CNTNAP2: variants seen among roughly 807,000 people sequenced by gnomAD.
The protein encoded by CNTNAP2 is contactin associated protein 2, also known as contactin-associated protein-like 2.
Under a neutral mutation model 155.2 loss-of-function variants are expected in CNTNAP2, and 98 were observed. That is an observed-to-expected ratio of 0.63 (90% CI 0.54 to 0.75). CNTNAP2 has a LOEUF of 0.75. Ranked by LOEUF, CNTNAP2 falls within the 30% of genes least tolerant of loss-of-function variation. The pLI, the probability that CNTNAP2 is intolerant of heterozygous loss-of-function variation, is 0.00. For synonymous variants in CNTNAP2, 651 were observed against 631.2 expected (o/e 1.03, Z -0.47); for missense variants, 1,727 against 1,688.1 (o/e 1.02, Z -0.40).
intron 20 of CNTNAP2, among the ~76,000 whole-genome samples, chr7:148,259,066 C>A (rs1256300040): frequency 1.3e-5 from 2 of 149,944 alleles, no homozygotes; most frequent in South Asian, 4.2e-4. Flanking sequence ...ATCCCAGCTA[C>A]TTGGGAGACT....
chr7:147,258,998 A>G (rs1804396071), intron 8 of CNTNAP2, among the ~76,000 whole-genome samples: 1 of 151,834 alleles, frequency 6.6e-6, no homozygotes, highest in Non-Finnish European at 1.5e-5. Flanking sequence ...AAGCAGATGG[A>G]AGTATGGGAT....
chr7:146,934,435 C>A (rs13225775), intron 3 of CNTNAP2, among the ~76,000 whole-genome samples: 3 of 109,268 alleles, frequency 2.7e-5, no homozygotes, highest in South Asian at 3.1e-4. Context: ...ACTCCGTGGC[C>A]TGTTGTGGGG....
intron 15 of CNTNAP2, among the ~76,000 whole-genome samples, chr7:148,095,454 T>G (rs1482737386): frequency 6.6e-6 from 1 of 152,234 alleles, no homozygotes; most frequent in African/African-American, 2.4e-5. Flanking sequence ...AGGCTTCTAA[T>G]AAGCAGTCTG....
intron 1 of CNTNAP2, among the ~76,000 whole-genome samples, chr7:146,425,049 G>A (rs1356885817): frequency 6.6e-6 from 1 of 152,126 alleles, no homozygotes; most frequent in Non-Finnish European, 1.5e-5. Flanking sequence ...CAGGGGAAAT[G>A]TGATAGATCC....
chr7:146,121,511 G>A (rs1056464729), intron 1 of CNTNAP2, among the ~76,000 whole-genome samples: 3 of 152,102 alleles, frequency 2.0e-5, no homozygotes, highest in African/African-American at 4.8e-5. Flanking sequence ...TCTGTTTAGT[G>A]ATTGATGTCA....
intron 20 of CNTNAP2, among the ~76,000 whole-genome samples, chr7:148,244,687 C>T (rs112626494): frequency 6.6e-6 from 1 of 151,386 alleles, no homozygotes; most frequent in African/African-American, 2.4e-5. Context: ...CTCAGCCTCC[C>T]GAGTAGCTGG....
At chr7:148,045,606 G>T (rs1802761281) in intron 15 of CNTNAP2, among the ~76,000 whole-genome samples, 1 of 152,192 alleles carries the variant, frequency 6.6e-6, no homozygotes, top group African/African-American at 2.4e-5. Context: ...CAATCAAAAT[G>T]GATGCCCAGG....
chr7:147,941,343 G>T (rs561251545), intron 14 of CNTNAP2, among the ~76,000 whole-genome samples: 1 of 152,288 alleles, frequency 6.6e-6, no homozygotes, highest in East Asian at 1.9e-4. Flanking sequence ...CACACCCTTA[G>T]TAAAGGCTCG....
chr7:146,755,798 T>C (rs958378774), intron 1 of CNTNAP2, among the ~76,000 whole-genome samples: 3 of 152,016 alleles, frequency 2.0e-5, no homozygotes, highest in Non-Finnish European at 2.9e-5. Flanking sequence ...GTGCTATTTA[T>C]AGGACACTGT....
chr7:146,746,854 T>G (rs1330697941), intron 1 of CNTNAP2, among the ~76,000 whole-genome samples: 1 of 152,156 alleles, frequency 6.6e-6, no homozygotes, highest in East Asian at 1.9e-4. Flanking sequence ...TATAGTTGGA[T>G]ATTTGAATTA....
intron 21 of CNTNAP2, among the ~76,000 whole-genome samples, chr7:148,276,024 T>C (rs1796865275): frequency 6.6e-6 from 1 of 152,094 alleles, no homozygotes; most frequent in Admixed American, 6.5e-5. Flanking sequence ...ATGCAAGTGA[T>C]AAAAATGCTG....
At chr7:146,772,216 A>G (rs1470171831) in intron 1 of CNTNAP2, among the ~76,000 whole-genome samples, 2 of 152,072 alleles carry the variant, frequency 1.3e-5, no homozygotes, top group South Asian at 2.1e-4. Context: ...CAGGATGTGG[A>G]TACAGAGACT....
intron 15 of CNTNAP2, among the ~76,000 whole-genome samples, chr7:148,109,127 A>G (rs1804286430): frequency 6.6e-6 from 1 of 152,192 alleles, no homozygotes; most frequent in Non-Finnish European, 1.5e-5. Flanking sequence ...GCTGACTGTA[A>G]GTGAAATTAA....
At chr7:148,181,224 A>G (rs2972118) in intron 18 of CNTNAP2, among the ~76,000 whole-genome samples, 98,479 of 152,022 alleles carry the variant, frequency 0.65, 32,000 homozygotes, top group East Asian at 0.85. Flanking sequence ...CTCCACAATT[A>G]CATGAGCCAA....
intron 1 of CNTNAP2, among the ~76,000 whole-genome samples, chr7:146,421,033 T>G (rs1031626111): frequency 1.3e-5 from 2 of 151,966 alleles, no homozygotes; most frequent in African/African-American, 4.8e-5. Flanking sequence ...TTAGGAAAAA[T>G]GAACTTTGAA....
chr7:147,767,423 A>T (rs1563081659), intron 13 of CNTNAP2, among the ~76,000 whole-genome samples: 2 of 152,138 alleles, frequency 1.3e-5, no homozygotes, highest in Non-Finnish European at 2.9e-5. Flanking sequence ...CAAATTTTGA[A>T]GTAAATAATG....
At chr7:146,902,085 C>T (rs1034287960) in intron 3 of CNTNAP2, among the ~76,000 whole-genome samples, 49 of 151,990 alleles carry the variant, frequency 3.2e-4, no homozygotes, top group Admixed American at 2.6e-3. Flanking sequence ...GGGGTTTCAC[C>T]GTGTTAGCCA....
chr7:147,959,591 A>G (rs2888538), intron 14 of CNTNAP2, among the ~76,000 whole-genome samples: 19,064 of 152,170 alleles, frequency 0.13, 2,310 homozygotes, highest in African/African-American at 0.32. Flanking sequence ...GCAGTTCTGC[A>G]GTCATGTTTA....
intron 12 of CNTNAP2, among the ~76,000 whole-genome samples, chr7:147,572,689 A>G (rs959118300): frequency 6.9e-6 from 1 of 145,588 alleles, no homozygotes; most frequent in South Asian, 2.2e-4. Context: ...CAACTATTCA[A>G]ACAGGATGGG....
Sources: gnomAD v4.1 joint callset for allele counts (sites outside exome capture counted in the v4.1 genomes callset) on GRCh38, gnomAD v4.1.1 for gene constraint, MANE v1.5 for transcripts, NCBI Gene and HGNC (gene_info 2026-07-23, HGNC 2026-07-21) for gene names.